Variants in LRRC4C observed in about 807,000 individuals in gnomAD.
The protein encoded by LRRC4C is leucine rich repeat containing 4C, also known as leucine-rich repeat-containing protein 4C.
Under a neutral mutation model 33.6 loss-of-function variants are expected in LRRC4C, and 5 were observed. The observed-to-expected ratio is 0.15, with a 90% CI of 0.08 to 0.31. The LOEUF (loss-of-function observed/expected upper bound fraction) is 0.31, where lower values mean the gene tolerates loss of function less well. LRRC4C is among the 10% of genes least tolerant of loss of function. The pLI, the probability that LRRC4C is intolerant of heterozygous loss-of-function variation, is 1.00. For missense variants in LRRC4C, 560 were observed against 796.7 expected (o/e 0.70, Z 3.58); for synonymous variants, 329 against 302.0 (o/e 1.09, Z -0.93).
chr11:41,307,698 G>A (rs1310416695), intron 1 of LRRC4C, among the ~76,000 whole-genome samples: 3 of 152,126 alleles, frequency 2.0e-5, no homozygotes, highest in Admixed American at 1.3e-4. Context: ...AAAAGCCTGG[G>A]CTTTTCCCAC....
At chr11:41,422,578 T>C (rs1954908249) in intron 1 of LRRC4C, among the ~76,000 whole-genome samples, 1 of 152,066 alleles carries the variant, frequency 6.6e-6, no homozygotes, top group South Asian at 2.1e-4. Flanking sequence ...TCATGATACC[T>C]TGGTTCCACT....
chr11:40,187,404 C>G (rs1167843178), intron 5 of LRRC4C, among the ~76,000 whole-genome samples: 1 of 150,056 alleles, frequency 6.7e-6, no homozygotes, highest in Non-Finnish European at 1.5e-5. Context: ...TGGCTTTGCT[C>G]TGTGTGTAAA....
At chr11:40,178,156 G>T (rs2135493032) in intron 5 of LRRC4C, among the ~76,000 whole-genome samples, 1 of 152,276 alleles carries the variant, frequency 6.6e-6, no homozygotes, top group African/African-American at 2.4e-5. Context: ...CCATCTGGAG[G>T]CTGTACTACC....
chr11:40,266,977 T>A (rs1942318813), intron 4 of LRRC4C, among the ~76,000 whole-genome samples: 1 of 94,522 alleles, frequency 1.1e-5, no homozygotes, highest in Admixed American at 1.7e-4. Flanking sequence ...ACACACAGTC[T>A]TTACTTCTCT....
intron 2 of LRRC4C, among the ~76,000 whole-genome samples, chr11:40,780,193 C>T (rs965099117): frequency 1.3e-5 from 2 of 151,996 alleles, no homozygotes; most frequent in African/African-American, 4.8e-5. Flanking sequence ...TGGCATTTGC[C>T]TGCATAAAAA....
intron 3 of LRRC4C, among the ~76,000 whole-genome samples, chr11:40,602,859 T>C (rs982155): frequency 0.48 from 73,683 of 151,954 alleles, 18,163 homozygotes; most frequent in East Asian, 0.75. Context: ...CTGCCTCTTA[T>C]CATGATTTTT....
intron 1 of LRRC4C, among the ~76,000 whole-genome samples, chr11:41,408,754 A>AAAAAAAAAAAAAAACAAAC (rs1565649907): frequency 2.0e-5 from 3 of 149,338 alleles, no homozygotes; most frequent in African/African-American, 7.7e-5. Flanking sequence ...TTGTAAAAAA[A>AAAAAAAAAAAAAAACAAAC]AAAAAAAAAA....
intron 3 of LRRC4C, among the ~76,000 whole-genome samples, chr11:40,376,015 T>C (rs971428313): frequency 6.6e-6 from 1 of 152,182 alleles, no homozygotes; most frequent in Non-Finnish European, 1.5e-5. Flanking sequence ...TCCTGGAAGA[T>C]TGCTAAGTAA....
At chr11:40,121,079 T>G (rs139423021) in intron 6 of LRRC4C, among the ~76,000 whole-genome samples, 1 of 152,308 alleles carries the variant, frequency 6.6e-6, no homozygotes, top group Non-Finnish European at 1.5e-5. Context: ...AGTTTCTTCC[T>G]ATTTTTTAAG....
chr11:40,226,508 A>G (rs542264380), intron 5 of LRRC4C, among the ~76,000 whole-genome samples: 83 of 152,342 alleles, frequency 5.4e-4, no homozygotes, highest in African/African-American at 1.9e-3. Context: ...ATGCCCAATA[A>G]GATGAAAAAT....
intron 1 of LRRC4C, among the ~76,000 whole-genome samples, chr11:41,101,262 C>G (rs561947570): frequency 6.6e-6 from 1 of 152,068 alleles, no homozygotes; most frequent in African/African-American, 2.4e-5. Flanking sequence ...TGACAAAGGT[C>G]TAATATGTAG....
At chr11:41,257,159 C>T (rs1420818767) in intron 1 of LRRC4C, among the ~76,000 whole-genome samples, 1 of 151,916 alleles carries the variant, frequency 6.6e-6, no homozygotes, top group African/African-American at 2.4e-5. Context: ...GAGTATCCCA[C>T]TAAGTTCAAA....
At chr11:40,378,435 C>T (rs561719503) in intron 3 of LRRC4C, among the ~76,000 whole-genome samples, 4 of 151,592 alleles carry the variant, frequency 2.6e-5, no homozygotes, top group Non-Finnish European at 5.9e-5. Context: ...ATATTAGATC[C>T]ATGTTGGGTA....
chr11:40,593,353 G>A (rs1959144149), intron 3 of LRRC4C, among the ~76,000 whole-genome samples: 1 of 152,084 alleles, frequency 6.6e-6, no homozygotes, highest in Non-Finnish European at 1.5e-5. Flanking sequence ...TTTTTTCTCT[G>A]TCCCTTACAC....
chr11:40,923,350 A>G (rs1293265697), intron 2 of LRRC4C, among the ~76,000 whole-genome samples: 1 of 152,190 alleles, frequency 6.6e-6, no homozygotes, highest in Non-Finnish European at 1.5e-5. Context: ...CCCAATATTT[A>G]TTGTTCTTTT....
rs139587614 is a variant in LRRC4C, at chr11:41,218,001, G to T, written c.-496+241430C>A. 3.0e-3 allele frequency among the ~76,000 whole-genome samples: 449 copies of T among 152,168 alleles called. 8 individuals carry two copies. The highest frequency in any genetic ancestry group is 0.027 in the Admixed American group (415 of 15,274). On this transcript the variant is annotated intron_variant, in intron 1 of 6. Coordinates refer to ENST00000528697, the MANE Select transcript of LRRC4C (RefSeq NM_001258419.2). ...AAGTTTAATTAAATGTTATTTTGGT[G>T]ATATGTGTTCTCATCCAAATAAAAT...
intron 1 of LRRC4C, among the ~76,000 whole-genome samples, chr11:41,135,699 C>T (rs969006553): frequency 1.3e-5 from 2 of 152,100 alleles, no homozygotes; most frequent in Admixed American, 6.6e-5. Flanking sequence ...ATAATAAATG[C>T]TCAATAAAAG....
intron 1 of LRRC4C, among the ~76,000 whole-genome samples, chr11:41,205,657 A>T (rs1946571860): frequency 6.6e-6 from 1 of 152,336 alleles, no homozygotes; most frequent in Admixed American, 6.5e-5. Context: ...AAAGAAAAAC[A>T]AACAAACAAC....
intron 2 of LRRC4C, among the ~76,000 whole-genome samples, chr11:40,661,242 C>T (rs1943419409): frequency 6.6e-6 from 1 of 152,130 alleles, no homozygotes; most frequent in African/African-American, 2.4e-5. Flanking sequence ...CTTATCCTAA[C>T]ATTAGTAAAT....
Sources: allele counts gnomAD v4.1 joint callset (sites outside exome capture counted in the v4.1 genomes callset), GRCh38; gene constraint gnomAD v4.1.1; transcripts MANE v1.5; gene names NCBI Gene and HGNC (gene_info 2026-07-23, HGNC 2026-07-21).